CATSPERB: variants seen among roughly 807,000 people sequenced by gnomAD.
The protein encoded by CATSPERB is cation channel sperm-associated auxiliary subunit beta.
CATSPERB carries 93 observed loss-of-function variants against 128.3 expected under a neutral mutation model. That is an observed-to-expected ratio of 0.72 (90% confidence interval 0.61 to 0.86). The LOEUF (loss-of-function observed/expected upper bound fraction) is 0.86, where lower values mean the gene tolerates loss of function less well. Among genes scored for constraint, CATSPERB ranks in the 40% least tolerant of loss-of-function variants. The probability of loss-of-function intolerance (pLI) is 0.00; values close to 1 mark genes in which losing one functional copy is unlikely to be tolerated. For synonymous variants in CATSPERB, 381 were observed against 448.8 expected (o/e 0.85, Z 1.91); for missense variants, 1,153 against 1,329.5 (o/e 0.87, Z 2.06).
At chr14:91,682,659 T>A (rs886567557) in intron 11 of CATSPERB, among the ~76,000 whole-genome samples, 2 of 152,146 alleles carry the variant, frequency 1.3e-5, no homozygotes, top group Non-Finnish European at 2.9e-5. Flanking sequence ...CCATCTAGAC[T>A]CTGCCTGCCA....
intron 2 of CATSPERB, among the ~76,000 whole-genome samples, chr14:91,727,501 T>G (rs1896136806): frequency 6.6e-6 from 1 of 152,178 alleles, no homozygotes. Flanking sequence ...AGTAAACATA[T>G]CTTTACAAAT....
At chr14:91,612,012 T>TTTTCTTTC (rs71120177) in intron 20 of CATSPERB, among the ~76,000 whole-genome samples, 11,090 of 132,898 alleles carry the variant, frequency 0.083, 635 homozygotes, top group African/African-American at 0.13. Context: ...TTGTTTACTG[T>TTTTCTTTC]TTTCTTTCTT....
At chr14:91,634,634 G>A (rs907145650) in intron 17 of CATSPERB, among the ~76,000 whole-genome samples, 2 of 80,890 alleles carry the variant, frequency 2.5e-5, no homozygotes, top group Non-Finnish European at 4.9e-5. Flanking sequence ...AAACTGATGA[G>A]TGGATTTAAA....
At chr14:91,585,366 A>C (rs1248148832) in intron 26 of CATSPERB, among the ~76,000 whole-genome samples, 7 of 152,154 alleles carry the variant, frequency 4.6e-5, no homozygotes, top group Non-Finnish European at 8.8e-5. Context: ...TGATACTGTC[A>C]CACAGATCCC....
chr14:91,610,477 T>A lies in CATSPERB; in HGVS notation c.2598+3A>T, dbSNP rs770514015. On this transcript the variant is annotated splice_donor_region_variant and intron_variant, in intron 21 of 26. Transcript: ENST00000256343. ...ACCAATATACTTAGATTTTTTTTTT[T>A]ACCGGCAAAGTTTTGATGAGGTTAA... The A allele has an allele frequency of 6.8e-6, 11 of 1,608,276 alleles. No homozygotes were observed. The Middle Eastern group carries it at 1.2e-3, about 170-fold the overall frequency.
chr14:91,731,633 G>A (rs1472299907), intron 1 of CATSPERB, among the ~76,000 whole-genome samples: 2 of 152,132 alleles, frequency 1.3e-5, no homozygotes, highest in East Asian at 3.9e-4. Context: ...ATACACTGCA[G>A]CAACTTCTTT....
At chr14:91,723,246 A>G (rs1896064617) in intron 3 of CATSPERB, 57 bp from the exon 4 acceptor site, 3 of 1,307,514 alleles carry the variant, frequency 2.3e-6, no homozygotes, top group Admixed American at 2.8e-5. Context: ...CAGACACACA[A>G]GTTAGTTAAT....
At chr14:91,593,194 T>C (rs1197050302) in intron 22 of CATSPERB, among the ~76,000 whole-genome samples, 3 of 152,192 alleles carry the variant, frequency 2.0e-5, no homozygotes, top group African/African-American at 4.8e-5. Context: ...GAACCTCTGC[T>C]AGGGCAGTGC....
At chr14:91,632,425 G>A (rs1426518457) in intron 17 of CATSPERB, among the ~76,000 whole-genome samples, 1 of 151,894 alleles carries the variant, frequency 6.6e-6, no homozygotes, top group African/African-American at 2.4e-5. Flanking sequence ...GTTAAAAAAA[G>A]CATAATAAAA....
At chr14:91,669,730 C>T in intron 14 of CATSPERB, 84 bp downstream of exon 14, 2 of 1,318,544 alleles carry the variant, frequency 1.5e-6, no homozygotes, top group African/African-American at 1.5e-5. Flanking sequence ...ATCAGAGAAG[C>T]TCTGTTCTTA....
Position 91,660,099 on chromosome 14 carries a change from ATCTCTC to A in CATSPERB, c.1288-124_1288-119del, listed in dbSNP as rs55665101. The A allele has an allele frequency of 6.7e-4, 348 of 516,820 alleles. 1 individual carries two copies. In the Admixed American group the frequency reaches 6.8e-3, roughly 10 times the overall value. The allele number at this position is 516,820 out of a possible 1,614,324, so 32.0% of individuals were successfully genotyped here. A position where few individuals can be genotyped will look rare whatever the true frequency, so the allele number is the denominator to read the frequency against. ...TGATCTTTTCCATATGCCTACATTC[ATCTCTC>A]TCTCTCTCTCTCACACACACACACA... On this transcript the variant is annotated intron_variant, in intron 14 of 26. Coordinates refer to ENST00000256343, the MANE Select transcript of CATSPERB (RefSeq NM_024764.4).
chr14:91,712,757 A>T (rs1386851121), intron 5 of CATSPERB, among the ~76,000 whole-genome samples: 3 of 152,214 alleles, frequency 2.0e-5, no homozygotes, highest in Non-Finnish European at 2.9e-5. Context: ...CCAACCCAAG[A>T]TTGAACGCCA....
In CATSPERB at chr14:91,664,486, G is replaced by A. The variant is rs538380270; in HGVS notation, c.1288-4505C>T. ...TCACCATGTTAGCCAGGCTGGTCTC[G>A]AACTCCTGACCTCAGGTGATCCACC... On this transcript the variant is annotated intron_variant, in intron 14 of 26. Coordinates refer to ENST00000256343, the MANE Select transcript of CATSPERB (RefSeq NM_024764.4). Among the ~76,000 whole-genome samples, 11 of 151,958 alleles carry A rather than the reference G, an allele frequency of 7.2e-5. No individual in the cohort carries two copies. The East Asian group carries it at 2.1e-3, about 30-fold the overall frequency.
rs188313462 is a variant in CATSPERB, at chr14:91,604,911, T to G, written c.2709+3383A>C. 3.9e-5 allele frequency: 49 copies of G among 1,240,646 alleles called. No homozygotes were observed. The African/African-American group carries it at 6.9e-4, about 17-fold the overall frequency. The allele number at this position is 1,240,646 out of a possible 1,614,324, so 76.9% of individuals were successfully genotyped here. On this transcript the variant is annotated intron_variant, in intron 22 of 26. Transcript: ENST00000256343. ...TTCTGGAACCACGTCTTAACCTGTTTGTAGCTGAGGTTCAGGATGTTGGAA... is the reference window on the plus strand; with the variant it reads ...TTCTGGAACCACGTCTTAACCTGTTGGTAGCTGAGGTTCAGGATGTTGGAA...
intron 15 of CATSPERB, among the ~76,000 whole-genome samples, chr14:91,657,529 C>T (rs865927567): frequency 7.9e-5 from 12 of 152,152 alleles, no homozygotes; most frequent in Middle Eastern, 3.4e-3. Flanking sequence ...GGAATCACAT[C>T]AAGTTAGAGA....
intron 17 of CATSPERB, among the ~76,000 whole-genome samples, chr14:91,625,882 T>A (rs1422293821): frequency 6.6e-6 from 1 of 152,168 alleles, no homozygotes; most frequent in Non-Finnish European, 1.5e-5. Flanking sequence ...TCCCAGCACT[T>A]TGGGAGCTGA....
intron 2 of CATSPERB, among the ~76,000 whole-genome samples, chr14:91,729,103 G>C (rs1391976821): frequency 3.9e-5 from 6 of 152,166 alleles, no homozygotes; most frequent in Admixed American, 3.9e-4. Flanking sequence ...ACTTTGGGAG[G>C]CTGAGGCAGG....
chr14:91,616,733 CT>C (rs1555360386), intron 20 of CATSPERB, among the ~76,000 whole-genome samples: 1,730 of 84,434 alleles, frequency 0.02, 16 homozygotes, highest in African/African-American at 0.077. Context: ...AAGTATTCCC[CT>C]TTTTTTTTTT....
At position 91,674,220 on chromosome 14, in the gene CATSPERB, C is replaced by G. The variant is rs1457723807; in HGVS notation, c.934G>C (p.Asp312His). The change falls in exon 12 of 27, where the codon GAT (aspartate) becomes CAT (histidine). Residue 312 changes from aspartate to histidine, a missense_variant and splice_region_variant. By Grantham distance (81) the Asp-to-His change is moderately conservative. Transcript: ENST00000256343. ...CTCTCAAAGGTAACTGTAACATAATCAACTGTGAAATAAATACAAGGGTAC... is the reference window on the plus strand; with the variant it reads ...CTCTCAAAGGTAACTGTAACATAATGAACTGTGAAATAAATACAAGGGTAC... Reference protein sequence around the residue: ...CFANREHFEVDYVTVTFERNR... With the variant: ...CFANREHFEVHYVTVTFERNR... 3 of 1,535,356 alleles carry G rather than the reference C, an allele frequency of 2.0e-6. No individual in the cohort carries two copies. Among genetic ancestry groups the G allele is most frequent in the Admixed American group, 3.6e-5 (2 of 55,570 alleles).
Sources: gnomAD v4.1 joint callset for allele counts (sites outside exome capture counted in the v4.1 genomes callset) on GRCh38, gnomAD v4.1.1 for gene constraint, MANE v1.5 for transcripts, NCBI Gene and HGNC (gene_info 2026-07-23, HGNC 2026-07-21) for gene names.